Variants in CFAP77 observed in about 807,000 individuals in gnomAD.
CFAP77 encodes cilia and flagella associated protein 77.
In CFAP77, 25 loss-of-function variants were observed where a neutral mutation model predicts 31.1. That is an observed-to-expected ratio of 0.80 (90% CI 0.59 to 1.12). The LOEUF is 1.12. CFAP77 is among the 50% of genes most tolerant of loss of function. The probability of loss-of-function intolerance (pLI) is 0.00; values close to 1 mark genes in which losing one functional copy is unlikely to be tolerated. For missense variants in CFAP77, 377 were observed against 397.3 expected (o/e 0.95, Z 0.44); for synonymous variants, 151 against 159.9 (o/e 0.94, Z 0.42).
At chr9:132,449,269 ACTCACCCTCCTCTCCTACTCCTGGC>A (rs1261680797) in intron 1 of CFAP77, among the ~76,000 whole-genome samples, 1 of 75,788 alleles carries the variant, frequency 1.3e-5, no homozygotes, top group East Asian at 4.0e-4. Flanking sequence ...GCTCCCTTGC[ACTCACCCTCCTCTCCTACTCCTGGC>A]TGCACTCACC....
intron 1 of CFAP77, among the ~76,000 whole-genome samples, chr9:132,433,005 A>G (rs787879): frequency 6.6e-6 from 1 of 151,258 alleles, no homozygotes; most frequent in African/African-American, 2.4e-5. Flanking sequence ...TGAGCCACCA[A>G]GCCCGGCCAA....
At chr9:132,483,186 G>A (rs1395294211) in intron 1 of CFAP77, among the ~76,000 whole-genome samples, 3 of 151,996 alleles carry the variant, frequency 2.0e-5, no homozygotes, top group African/African-American at 2.4e-5. Flanking sequence ...CAGGACAATC[G>A]CTTGAACCCA....
At chr9:132,417,756 C>A (rs1463639166) in intron 1 of CFAP77, among the ~76,000 whole-genome samples, 1 of 152,216 alleles carries the variant, frequency 6.6e-6, no homozygotes, top group East Asian at 1.9e-4. Flanking sequence ...TTTCCATTAT[C>A]CCGAGTCCAA....
intron 1 of CFAP77, among the ~76,000 whole-genome samples, chr9:132,463,008 G>T (rs966331869): frequency 1.3e-5 from 2 of 152,132 alleles, no homozygotes; most frequent in Admixed American, 6.6e-5. Context: ...GGAGCACCTA[G>T]CTGCTATCCA....
intron 3 of CFAP77, among the ~76,000 whole-genome samples, chr9:132,508,334 T>C (rs1215494558): frequency 6.6e-6 from 1 of 152,218 alleles, no homozygotes; most frequent in Non-Finnish European, 1.5e-5. Context: ...CTCCTTGCTC[T>C]TTTCAGCTGC....
In CFAP77 at chr9:132,499,637, G is replaced by T. The variant is rs764368771; in HGVS notation, c.524+37G>T. The T allele has an allele frequency of 1.3e-6, 2 of 1,586,850 alleles. No homozygotes were observed. Among genetic ancestry groups the T allele is most frequent in the South Asian group, 2.2e-5 (2 of 90,494 alleles). ...GGCAGCCAGGGCTTCATCCCTTGAG[G>T]GGGTGGAGGTACCAGCTCAATCAGG... On this transcript the variant is annotated intron_variant, in intron 3 of 5. Coordinates refer to ENST00000393216, the MANE Select transcript of CFAP77 (RefSeq NM_001282957.2). The surrounding 1 kb of genome is among the most constrained non-coding windows in gnomAD (Gnocchi z 5.4).
At chr9:132,514,539 G>A (rs1407022391) in intron 3 of CFAP77, among the ~76,000 whole-genome samples, 1 of 152,148 alleles carries the variant, frequency 6.6e-6, no homozygotes, top group Non-Finnish European at 1.5e-5. Context: ...GAGTGGCCTG[G>A]CGGATCTCCT....
At position 132,545,028 on chromosome 9, in the gene CFAP77, C is replaced by T. The variant is rs1472984247; in HGVS notation, c.732+1981C>T. On this transcript the variant is annotated intron_variant, in intron 5 of 5. Transcript: ENST00000393216. This position sits in a 1 kb window ranked among gnomAD's most constrained non-coding sequence, Gnocchi z 4.6. ...AGAGCAAGGAAAGGGCTCCAGGTAA[C>T]AGTGCCGCACCTGTGCTGGGAGCTC... is the stretch of plus-strand genomic sequence containing the variant. 6.6e-6 allele frequency among the ~76,000 whole-genome samples: 1 copy of T among 152,232 alleles called. No individual in the cohort carries two copies. Among genetic ancestry groups the T allele is most frequent in the Non-Finnish European group, 1.5e-5 (1 of 68,036 alleles).
intron 1 of CFAP77, among the ~76,000 whole-genome samples, chr9:132,473,555 G>T (rs1851297434): frequency 6.6e-6 from 1 of 152,132 alleles, no homozygotes; most frequent in South Asian, 2.1e-4. Context: ...CTTCCTGTCT[G>T]TGGAGAGGGT....
rs35118700 is a variant in CFAP77 at position 132,449,435 on chromosome 9, GTT to G, written c.195+38982_195+38983del. On this transcript the variant is annotated intron_variant, in intron 1 of 5. Transcript: ENST00000393216. ...ATAAATGGAGCCATAGAGTACACAG[GTT>G]TTTTTTTTTTTTATGTTTTACTTCT... 5.8e-4 allele frequency among the ~76,000 whole-genome samples: 84 copies of G among 145,350 alleles called. No homozygotes were observed. In the Middle Eastern group the frequency reaches 0.014, roughly 25 times the overall value.
chr9:132,550,197 C>T (rs1852802141), intron 5 of CFAP77, among the ~76,000 whole-genome samples: 1 of 152,234 alleles, frequency 6.6e-6, no homozygotes, highest in Non-Finnish European at 1.5e-5. Context: ...TTCATCCTTC[C>T]AGCTCCAGAG....
chr9:132,572,753 T>C lies in CFAP77; in HGVS notation c.*243T>C. On this transcript the variant is annotated 3_prime_UTR_variant, in exon 6 of 6. Coordinates refer to ENST00000393216, the MANE Select transcript of CFAP77 (RefSeq NM_001282957.2). The stretch of plus-strand genomic sequence containing the variant: ...GAGCCTCCTCCTCTCCTCCTCCTTC[T>C]CCTCCTAGGGCAGGCTCACCCTGCC... 1 of 522,964 alleles carries C rather than the reference T, an allele frequency of 1.9e-6. No individual in the cohort carries two copies. Among genetic ancestry groups the C allele is most frequent in the Non-Finnish European group, 3.4e-6 (1 of 297,246 alleles). The allele number at this position is 522,964 out of a possible 1,614,324, so 32.4% of individuals were successfully genotyped here.
intron 4 of CFAP77, among the ~76,000 whole-genome samples, chr9:132,541,468 A>C (rs1316681044): frequency 1.3e-5 from 2 of 152,178 alleles, no homozygotes; most frequent in Non-Finnish European, 2.9e-5. Flanking sequence ...TCACGCCTGA[A>C]ATCCCAGCAC....
chr9:132,518,747 C>T (rs1330832707), intron 3 of CFAP77, among the ~76,000 whole-genome samples: 5 of 152,354 alleles, frequency 3.3e-5, no homozygotes, highest in Admixed American at 1.3e-4. Context: ...CCCCAGAGAT[C>T]TGTCCAAAGC....
intron 1 of CFAP77, among the ~76,000 whole-genome samples, chr9:132,438,539 ATAT>A (rs1291757969): frequency 0.03 from 3,403 of 115,308 alleles, 148 homozygotes; most frequent in African/African-American, 0.13. Context: ...ATATATATAT[ATAT>A]TTTTTTTTTT....
rs1385069259 is a variant in CFAP77, at chr9:132,480,658, T to A, written c.196-18037T>A. 1.3e-5 allele frequency among the ~76,000 whole-genome samples: 2 copies of A among 152,140 alleles called. No individual in the cohort carries two copies. Among genetic ancestry groups the A allele is most frequent in the East Asian group, 3.9e-4 (2 of 5,178 alleles). ...ACGTGGGTCCAGGAAGGAAAATAGG[T>A]GACATCCTGTGGCTGGGGTTTCTCA... On this transcript the variant is annotated intron_variant, in intron 1 of 5. Coordinates refer to ENST00000393216, the MANE Select transcript of CFAP77 (RefSeq NM_001282957.2). The surrounding 1 kb of genome is among the most constrained non-coding windows in gnomAD (Gnocchi z 5.8).
rs757065696 is a variant in CFAP77 at position 132,539,543 on chromosome 9, C to T, written c.630+1837C>T. On this transcript the variant is annotated intron_variant, in intron 4 of 5. Coordinates refer to ENST00000393216, the MANE Select transcript of CFAP77 (RefSeq NM_001282957.2). This position sits in a 1 kb window ranked among gnomAD's most constrained non-coding sequence, Gnocchi z 4.3. ...GAAGAGGTCCCACTCCTGCTGTTTA[C>T]GGAAAAGCCTGGGGCTCAGCAACAG... is the stretch of plus-strand genomic sequence containing the variant. Among the ~76,000 whole-genome samples the T allele has an allele frequency of 2.0e-5, 3 of 152,132 alleles. No homozygotes were observed. Among genetic ancestry groups the T allele is most frequent in the East Asian group, 1.9e-4 (1 of 5,196 alleles).
intron 1 of CFAP77, among the ~76,000 whole-genome samples, chr9:132,435,989 G>A (rs959413313): frequency 3.3e-5 from 5 of 152,132 alleles, no homozygotes; most frequent in South Asian, 4.1e-4. Flanking sequence ...AACTGAGATC[G>A]GCAGCAGGTG....
chr9:132,480,388 T>C lies in CFAP77; in HGVS notation c.196-18307T>C, dbSNP rs1345254603. ...TGAGAACAGATTCCAGACCCTGTTCTGGAAGACCTGCCCCAGATGGCCCAG... is the reference window on the plus strand; with the variant it reads ...TGAGAACAGATTCCAGACCCTGTTCCGGAAGACCTGCCCCAGATGGCCCAG... On this transcript the variant is annotated intron_variant, in intron 1 of 5. Transcript: ENST00000393216. This position sits in a 1 kb window ranked among gnomAD's most constrained non-coding sequence, Gnocchi z 5.8. Among the ~76,000 whole-genome samples, 6 of 152,342 alleles carry C rather than the reference T, an allele frequency of 3.9e-5. No individual in the cohort carries two copies. Among genetic ancestry groups the C allele is most frequent in the Middle Eastern group, 3.4e-3 (1 of 294 alleles).
Sources: gnomAD v4.1 joint callset for allele counts (sites outside exome capture counted in the v4.1 genomes callset) on GRCh38, gnomAD v4.1.1 for gene constraint, Gnocchi (gnomAD v3.1) non-coding constraint, MANE v1.5 for transcripts, NCBI Gene and HGNC (gene_info 2026-07-23, HGNC 2026-07-21) for gene names.